IFT81: variants seen among roughly 807,000 people sequenced by gnomAD.
IFT81 encodes the protein intraflagellar transport protein 81 homolog.
In IFT81, 72 loss-of-function variants were observed where a neutral mutation model predicts 102.6. The observed-to-expected ratio is 0.70, with a 90% CI of 0.58 to 0.85. IFT81 has a LOEUF of 0.85. Among genes scored for constraint, IFT81 ranks in the 40% least tolerant of loss-of-function variants. The probability of loss-of-function intolerance (pLI) is 0.00; values close to 1 mark genes in which losing one functional copy is unlikely to be tolerated. For missense variants in IFT81, 723 were observed against 787.3 expected (o/e 0.92, Z 0.98); for synonymous variants, 237 against 242.7 (o/e 0.98, Z 0.22).
At chr12:110,151,110 C>T (rs1384236601) in intron 10 of IFT81, among the ~76,000 whole-genome samples, 1 of 152,008 alleles carries the variant, frequency 6.6e-6, no homozygotes, top group Non-Finnish European at 1.5e-5. Context: ...CAACCATCAC[C>T]ACAATCAATT....
chr12:110,146,714 A>G (rs1895244261), intron 9 of IFT81, among the ~76,000 whole-genome samples: 1 of 152,138 alleles, frequency 6.6e-6, no homozygotes, highest in Non-Finnish European at 1.5e-5. Context: ...CACGTCTGTA[A>G]TCCCAGCACT....
intron 8 of IFT81, among the ~76,000 whole-genome samples, chr12:110,141,016 C>T (rs1894856298): frequency 6.7e-6 from 1 of 149,206 alleles, no homozygotes; most frequent in Non-Finnish European, 1.5e-5. Context: ...CATGAGCCAC[C>T]ACGCCTGGCC....
intron 14 of IFT81, among the ~76,000 whole-genome samples, chr12:110,199,736 A>T (rs1331306595): frequency 6.6e-6 from 1 of 152,128 alleles, no homozygotes; most frequent in Non-Finnish European, 1.5e-5. Context: ...TTTATTCTGT[A>T]CTAGTGACCC....
chr12:110,137,594 G>A (rs1289860068), intron 8 of IFT81, among the ~76,000 whole-genome samples: 2 of 151,516 alleles, frequency 1.3e-5, no homozygotes, highest in African/African-American at 4.9e-5. Flanking sequence ...AAATTAGCTG[G>A]GCATGATGTC....
At chr12:110,216,430 A>AG (rs1870131725) in intron 18 of IFT81, 15 of 446,098 alleles carry the variant, frequency 3.4e-5, no homozygotes, top group South Asian at 2.2e-4. Context: ...CCCCAGCTCA[A>AG]GCAATCCTCC....
chr12:110,166,062 C>G (rs890534782), intron 11 of IFT81, among the ~76,000 whole-genome samples: 5 of 152,174 alleles, frequency 3.3e-5, no homozygotes, highest in Admixed American at 2.6e-4. Flanking sequence ...GAGTTCCTTA[C>G]CCTCTTTATA....
At chr12:110,214,941 A>G (rs1162924087) in intron 18 of IFT81, among the ~76,000 whole-genome samples, 2 of 152,176 alleles carry the variant, frequency 1.3e-5, no homozygotes, top group African/African-American at 4.8e-5. Context: ...GTTGTAAGAT[A>G]CATTATTTGT....
intron 11 of IFT81, among the ~76,000 whole-genome samples, chr12:110,167,179 T>C (rs12422857): frequency 0.022 from 3,425 of 152,234 alleles, 122 homozygotes; most frequent in Admixed American, 0.085. Flanking sequence ...TTTTTATTGG[T>C]ATTTCATTGG....
intron 9 of IFT81, among the ~76,000 whole-genome samples, chr12:110,146,285 G>A (rs1028801121): frequency 2.6e-5 from 4 of 152,194 alleles, no homozygotes; most frequent in African/African-American, 9.7e-5. Context: ...TTAGATTAAT[G>A]ATTAGGATAA....
At chr12:110,191,787 C>G (rs532232683) in intron 13 of IFT81, among the ~76,000 whole-genome samples, 1 of 151,974 alleles carries the variant, frequency 6.6e-6, no homozygotes, top group Non-Finnish European at 1.5e-5. Flanking sequence ...CCTCAGAGTA[C>G]CCCCCTCCAG....
chr12:110,183,854 A>G (rs1237159298), intron 12 of IFT81, among the ~76,000 whole-genome samples: 1 of 152,146 alleles, frequency 6.6e-6, no homozygotes, highest in Non-Finnish European at 1.5e-5. Context: ...TCCCAGACTC[A>G]GCACCCTTTT....
chr12:110,209,942 C>T (rs1869192917), intron 18 of IFT81, among the ~76,000 whole-genome samples: 1 of 151,958 alleles, frequency 6.6e-6, no homozygotes, highest in Non-Finnish European at 1.5e-5. Context: ...TGCTCAGCTC[C>T]CTCCTGCCAG....
At chr12:110,136,248 A>G (rs964766275) in intron 7 of IFT81, among the ~76,000 whole-genome samples, 11 of 152,244 alleles carry the variant, frequency 7.2e-5, no homozygotes, top group Non-Finnish European at 1.5e-4. Flanking sequence ...TTAAAAATCT[A>G]TTTTAAAATC....
At chr12:110,162,015 C>T (rs1362832597) in intron 10 of IFT81, among the ~76,000 whole-genome samples, 2 of 152,180 alleles carry the variant, frequency 1.3e-5, no homozygotes, top group East Asian at 3.9e-4. Context: ...TAAAATGCTG[C>T]TAAGAGTAGC....
intron 8 of IFT81, among the ~76,000 whole-genome samples, chr12:110,142,087 A>G (rs1894924232): frequency 6.6e-6 from 1 of 152,226 alleles, no homozygotes; most frequent in Admixed American, 6.5e-5. Flanking sequence ...GTAAACTAAT[A>G]ATACTTTACA....
chr12:110,204,128 T>C, intron 15 of IFT81, 178 bp downstream of exon 15: 1 of 515,614 alleles, frequency 1.9e-6, no homozygotes, highest in East Asian at 3.1e-5. Context: ...AGACTCTCTC[T>C]CTAAAAAAAA....
intron 12 of IFT81, among the ~76,000 whole-genome samples, chr12:110,187,104 G>A (rs143540659): frequency 9.0e-4 from 136 of 151,796 alleles, no homozygotes; most frequent in Non-Finnish European, 1.7e-3. Context: ...ATCAGTTATT[G>A]TATTTCTCAG....
At chr12:110,197,375 C>T (rs1035531686) in intron 14 of IFT81, among the ~76,000 whole-genome samples, 4 of 149,380 alleles carry the variant, frequency 2.7e-5, no homozygotes, top group Middle Eastern at 3.2e-3. Flanking sequence ...TTTATGTTTA[C>T]TCTAATTTTT....
At chr12:110,212,669 T>G (rs963357740) in intron 18 of IFT81, among the ~76,000 whole-genome samples, 1 of 151,900 alleles carries the variant, frequency 6.6e-6, no homozygotes, top group Non-Finnish European at 1.5e-5. Flanking sequence ...AAACCCCTTC[T>G]CTACTAAAAA....
Sources: allele counts gnomAD v4.1 joint callset (sites outside exome capture counted in the v4.1 genomes callset), GRCh38; gene constraint gnomAD v4.1.1; transcripts MANE v1.5; gene names NCBI Gene and HGNC (gene_info 2026-07-23, HGNC 2026-07-21).